Variants in RNF24 observed in about 807,000 individuals in gnomAD.
RNF24 encodes ring finger protein 24.
Under a neutral mutation model 20.0 loss-of-function variants are expected in RNF24, and 14 were observed. The ratio of observed to expected loss-of-function variants is 0.70; its 90% CI spans 0.46 to 1.10. RNF24 has a LOEUF of 1.10. RNF24 is among the 50% of genes least tolerant of loss of function. The pLI is 0.00. For synonymous variants in RNF24, 45 were observed against 61.1 expected (o/e 0.74, Z 1.23); for missense variants, 124 against 177.6 (o/e 0.70, Z 1.71).
rs1478070232 is a variant in RNF24, at chr20:3,932,742, C to A, written c.*1321G>T. The A allele has an allele frequency of 2.5e-6, 1 of 395,528 alleles. No homozygotes were observed. Among genetic ancestry groups the A allele is most frequent in the South Asian group, 1.4e-4 (1 of 6,988 alleles). The allele number at this position is 395,528 out of a possible 1,614,324, so 24.5% of individuals were successfully genotyped here. On this transcript the variant is annotated 3_prime_UTR_variant, in exon 6 of 6. Coordinates refer to ENST00000358395, the MANE Select transcript of RNF24 (RefSeq NM_001134337.3). ...CAGGCGCTCCTAAGATGGAGGGAGG[C>A]GGAGAGCAGGGCTGTGGAAAAGAAT...
chr20:3,943,240 G>A (rs900606078), intron 4 of RNF24, among the ~76,000 whole-genome samples: 1 of 151,426 alleles, frequency 6.6e-6, no homozygotes, highest in Non-Finnish European at 1.5e-5. Context: ...CCATGGTAAA[G>A]GTCAATTCTC....
At chr20:3,991,938 A>ACG (rs201704329) in intron 1 of RNF24, among the ~76,000 whole-genome samples, 83 of 148,084 alleles carry the variant, frequency 5.6e-4, no homozygotes, top group African/African-American at 1.6e-3. Context: ...ACACACACAC[A>ACG]CGCACACACA....
At chr20:3,978,845 C>G (rs1472067016) in intron 1 of RNF24, among the ~76,000 whole-genome samples, 1 of 151,900 alleles carries the variant, frequency 6.6e-6, no homozygotes, top group East Asian at 1.9e-4. Flanking sequence ...GTGGCTCATG[C>G]CTGTAATCCC....
intron 4 of RNF24, among the ~76,000 whole-genome samples, chr20:3,942,475 A>AAT (rs1343556896): frequency 6.6e-6 from 1 of 151,488 alleles, no homozygotes; most frequent in Non-Finnish European, 1.5e-5. Flanking sequence ...GGCCTGGACA[A>AAT]ATATATATAT....
chr20:3,994,885 AAAG>A (rs1179881696), intron 1 of RNF24, among the ~76,000 whole-genome samples: 1 of 152,258 alleles, frequency 6.6e-6, no homozygotes, highest in Non-Finnish European at 1.5e-5. Flanking sequence ...AAAGTGAAAT[AAAG>A]AAGTTTAGTA....
chr20:3,979,019 G>A (rs1320423736), intron 1 of RNF24, among the ~76,000 whole-genome samples: 8 of 151,128 alleles, frequency 5.3e-5, no homozygotes, highest in Non-Finnish European at 1.5e-5. Context: ...GGTTAAACTC[G>A]GAAGGCGGAG....
At chr20:3,969,349 C>T (rs1381219132) in intron 1 of RNF24, among the ~76,000 whole-genome samples, 5 of 151,932 alleles carry the variant, frequency 3.3e-5, no homozygotes, top group African/African-American at 1.2e-4. Flanking sequence ...AACTAAAAAC[C>T]ATGGACATTA....
intron 2 of RNF24, among the ~76,000 whole-genome samples, chr20:3,962,484 AT>A (rs1189512655): frequency 6.6e-6 from 1 of 151,130 alleles, no homozygotes; most frequent in South Asian, 2.1e-4. Context: ...TATGTACCTC[AT>A]TTTTTTTTCT....
At chr20:3,948,629 A>C (rs2091047598) in intron 2 of RNF24, among the ~76,000 whole-genome samples, 1 of 150,100 alleles carries the variant, frequency 6.7e-6, no homozygotes, top group Non-Finnish European at 1.5e-5. Flanking sequence ...AAAATCTTAA[A>C]AAATGTACAT....
At position 3,933,275 on chromosome 20, in the gene RNF24, G is replaced by A. The variant is rs2090847635; in HGVS notation, c.*788C>T. ...CTGAGGCAGTGGCAGTGGGCTCACA[G>A]CAGCTACACTGGAACCACAGTGCAC... is the stretch of plus-strand genomic sequence containing the variant. On this transcript the variant is annotated 3_prime_UTR_variant, in exon 6 of 6. Coordinates refer to ENST00000358395, the MANE Select transcript of RNF24 (RefSeq NM_001134337.3). The A allele has an allele frequency of 7.5e-6, 3 of 397,870 alleles. No individual in the cohort carries two copies. In the South Asian group the frequency reaches 4.1e-4, roughly 55 times the overall value. The allele number at this position is 397,870 out of a possible 1,614,324, so 24.6% of individuals were successfully genotyped here.
intron 1 of RNF24, among the ~76,000 whole-genome samples, chr20:4,008,450 A>AT (rs386393144): frequency 1.1e-4 from 2 of 17,964 alleles, no homozygotes; most frequent in Admixed American, 6.4e-4. Context: ...TATAATATAT[A>AT]TAATATATAA....
At chr20:3,978,238 C>T (rs1256761624) in intron 1 of RNF24, among the ~76,000 whole-genome samples, 1 of 151,876 alleles carries the variant, frequency 6.6e-6, no homozygotes. Flanking sequence ...GGGTTTCGCC[C>T]TGTTGGCCAG....
intron 1 of RNF24, among the ~76,000 whole-genome samples, chr20:3,995,583 T>G: frequency 6.6e-6 from 1 of 152,196 alleles, no homozygotes; most frequent in East Asian, 1.9e-4. Context: ...TGGTTATGAA[T>G]CAGCAAAGTG....
intron 1 of RNF24, among the ~76,000 whole-genome samples, chr20:3,995,430 A>G (rs561683139): frequency 2.5e-4 from 38 of 152,320 alleles, no homozygotes; most frequent in Non-Finnish European, 4.9e-4. Flanking sequence ...GTTTAGCCAC[A>G]TTTCTTCAAC....
intron 1 of RNF24, among the ~76,000 whole-genome samples, chr20:3,972,836 G>A (rs1343486099): frequency 1.3e-5 from 2 of 152,106 alleles, no homozygotes; most frequent in Non-Finnish European, 2.9e-5. Context: ...CCTGGCGGCG[G>A]AGATTGCAGT....
intron 1 of RNF24, among the ~76,000 whole-genome samples, chr20:4,012,359 G>A (rs1317962170): frequency 6.6e-6 from 1 of 151,606 alleles, no homozygotes; most frequent in African/African-American, 2.4e-5. Flanking sequence ...GGAGGCTGCA[G>A]TCAGCCGAGA....
At chr20:3,976,157 A>G (rs1052731828) in intron 1 of RNF24, among the ~76,000 whole-genome samples, 3 of 152,298 alleles carry the variant, frequency 2.0e-5, no homozygotes, top group Admixed American at 6.5e-5. Flanking sequence ...GTTTTAAGGC[A>G]CCCAGTTTAT....
chr20:3,986,424 G>T (rs1479024199), intron 1 of RNF24, among the ~76,000 whole-genome samples: 3 of 151,042 alleles, frequency 2.0e-5, no homozygotes, highest in Non-Finnish European at 3.0e-5. Context: ...GCTATTTTTT[G>T]AATTTATTTT....
chr20:3,951,796 T>A (rs1160646547), intron 2 of RNF24, among the ~76,000 whole-genome samples: 1 of 152,206 alleles, frequency 6.6e-6, no homozygotes, highest in Non-Finnish European at 1.5e-5. Context: ...TCAAATTGAT[T>A]GGCCTTGAGT....
Sources: allele counts gnomAD v4.1 joint callset (sites outside exome capture counted in the v4.1 genomes callset), GRCh38; gene constraint gnomAD v4.1.1; transcripts MANE v1.5; gene names NCBI Gene and HGNC (gene_info 2026-07-23, HGNC 2026-07-21).